The following WDFY3 variants were observed in gnomAD, a reference collection of about 807,000 sequenced individuals.
WDFY3 encodes the protein WD repeat and FYVE domain-containing protein 3.
In WDFY3, 66 loss-of-function variants were observed where a neutral mutation model predicts 409.6. The ratio of observed to expected loss-of-function variants is 0.16; its 90% CI spans 0.13 to 0.20. The LOEUF (loss-of-function observed/expected upper bound fraction) is 0.20, where lower values mean the gene tolerates loss of function less well. Ranked by LOEUF, WDFY3 falls within the 10% of genes least tolerant of loss-of-function variation. The pLI is 1.00. For synonymous variants in WDFY3, 1,521 were observed against 1,537.1 expected (o/e 0.99, Z 0.25); for missense variants, 3,031 against 4,298.1 (o/e 0.71, Z 8.24).
chr4:84,831,691 C>T (rs1755762588), intron 7 of WDFY3, 86 bp from the exon 8 acceptor site: 3 of 1,257,898 alleles, frequency 2.4e-6, no homozygotes, highest in African/African-American at 3.0e-5. Context: ...GCTGAATGGA[C>T]TGCTCTCAAA....
At chr4:84,841,303 T>C (rs778718465) in intron 5 of WDFY3, 40 bp from the exon 6 acceptor site, 6 of 1,560,470 alleles carry the variant, frequency 3.8e-6, no homozygotes, top group African/African-American at 1.4e-5. Flanking sequence ...GGGGGAAAAG[T>C]CACATATAAA....
intron 44 of WDFY3, among the ~76,000 whole-genome samples, chr4:84,729,050 T>C (rs1434231982): frequency 1.3e-5 from 2 of 152,042 alleles, no homozygotes; most frequent in African/African-American, 4.8e-5. Flanking sequence ...CAAGAAACTC[T>C]CCTAGTTAGA....
chr4:84,849,670 T>C (rs910955873), intron 5 of WDFY3: 4 of 368,524 alleles, frequency 1.1e-5, no homozygotes, highest in Non-Finnish European at 1.9e-5. Flanking sequence ...TTTTAAAGGG[T>C]TAGGGTGGAA....
chr4:84,781,518 G>A, intron 25 of WDFY3, among the ~76,000 whole-genome samples: 1 of 151,144 alleles, frequency 6.6e-6, no homozygotes, highest in Non-Finnish European at 1.5e-5. Flanking sequence ...CCAAAGTGCT[G>A]GGATTACATG....
chr4:84,751,240 G>A (rs1220463413), intron 36 of WDFY3: 24 of 535,722 alleles, frequency 4.5e-5, no homozygotes, highest in Non-Finnish European at 7.7e-5. Flanking sequence ...GAAGAAGTTC[G>A]CCAGCTCTTA....
chr4:84,820,954 A>G lies in WDFY3; in HGVS notation c.1591+130T>C. The G allele has an allele frequency of 5.3e-6, 5 of 942,420 alleles. No individual in the cohort carries two copies. In the South Asian group the frequency reaches 9.6e-5, roughly 18 times the overall value. 58.4% of individuals were successfully genotyped at this position (942,420 alleles called of 1,614,324 possible). On this transcript the variant is annotated intron_variant, in intron 11 of 67. Coordinates refer to ENST00000295888, the MANE Select transcript of WDFY3 (RefSeq NM_014991.6). ...CTGTAAATTTTGGAAAATACAGTTC[A>G]CTAATATGTCACAATAATGCACATT...
At position 84,724,416 on chromosome 4, in the gene WDFY3, G is replaced by T; in HGVS notation, c.7441+10C>A. On this transcript the variant is annotated intron_variant, in intron 46 of 67. Coordinates refer to ENST00000295888, the MANE Select transcript of WDFY3 (RefSeq NM_014991.6). ...ATCACTTTTAATCAAAATCAAAAAG[G>T]CAGGCTGACCTTTGACTTTAGCAAT... The T allele has an allele frequency of 1.9e-6, 3 of 1,586,702 alleles. No individual in the cohort carries two copies. Among genetic ancestry groups the T allele is most frequent in the Non-Finnish European group, 1.7e-6 (2 of 1,167,900 alleles).
chr4:84,706,559 A>C (rs1731976211), intron 53 of WDFY3, among the ~76,000 whole-genome samples: 1 of 151,988 alleles, frequency 6.6e-6, no homozygotes, highest in African/African-American at 2.4e-5. Context: ...AAAAAAAAAA[A>C]AAAAACCCAA....
chr4:84,774,734 A>G (rs1745256135), intron 29 of WDFY3, 86 bp downstream of exon 29: 2 of 1,411,650 alleles, frequency 1.4e-6, no homozygotes, highest in African/African-American at 1.4e-5. Context: ...CACAGTCATA[A>G]AAACCAATTA....
chr4:84,782,418 G>A (rs1014352596), intron 25 of WDFY3, among the ~76,000 whole-genome samples: 4 of 151,736 alleles, frequency 2.6e-5, no homozygotes, highest in African/African-American at 7.3e-5. Flanking sequence ...TGCACAGAAC[G>A]TGCAGGTTTG....
intron 5 of WDFY3, among the ~76,000 whole-genome samples, chr4:84,843,414 T>G (rs994936891): frequency 1.3e-5 from 2 of 152,214 alleles, no homozygotes; most frequent in Admixed American, 1.3e-4. Flanking sequence ...TATTTTATTA[T>G]TTTTGAGACA....
intron 1 of WDFY3, among the ~76,000 whole-genome samples, chr4:84,941,073 G>A (rs1485672999): frequency 7.2e-5 from 11 of 151,930 alleles, no homozygotes; most frequent in African/African-American, 2.4e-4. Flanking sequence ...GTTTAATGAA[G>A]AAAGACTGAA....
chr4:84,821,587 A>G (rs1189634349), intron 10 of WDFY3, 36 bp from the exon 11 acceptor site: 3 of 1,540,834 alleles, frequency 1.9e-6, no homozygotes, highest in East Asian at 4.5e-5. Flanking sequence ...AGTAGGTACT[A>G]TGTGATATTT....
chr4:84,709,283 T>G lies in WDFY3; in HGVS notation c.8097+10A>C, dbSNP rs757543716. 1 of 1,606,736 alleles carries G rather than the reference T, an allele frequency of 6.2e-7. No individual in the cohort carries two copies. Among genetic ancestry groups the G allele is most frequent in the Admixed American group, 1.7e-5 (1 of 58,162 alleles). On this transcript the variant is annotated intron_variant, in intron 52 of 67. Transcript: ENST00000295888. Reference sequence around the variant, plus strand: ...ACTTCTAAGGAAGCTCATATATTCATTAAACTTACCTCCCATCTCTGAGTC... The same window carrying G: ...ACTTCTAAGGAAGCTCATATATTCAGTAAACTTACCTCCCATCTCTGAGTC...
In WDFY3 at chr4:84,677,191, T is replaced by C; in HGVS notation, c.10457+8A>G. Reference sequence around the variant, plus strand: ...ATGTAAATTCAAAAAGCAGATATCTTATCTTACTTCTGGCAGAAGAGCTGA... The same window carrying C: ...ATGTAAATTCAAAAAGCAGATATCTCATCTTACTTCTGGCAGAAGAGCTGA... On this transcript the variant is annotated splice_region_variant and intron_variant, in intron 67 of 67. Transcript: ENST00000295888. The C allele has an allele frequency of 6.2e-7, 1 of 1,614,088 alleles. No individual in the cohort carries two copies. The highest frequency in any genetic ancestry group is 1.1e-5 in the South Asian group (1 of 91,060).
chr4:84,731,494 T>C (rs1390516980), intron 44 of WDFY3, among the ~76,000 whole-genome samples: 1 of 152,236 alleles, frequency 6.6e-6, no homozygotes, highest in Non-Finnish European at 1.5e-5. Context: ...CTGTCTCTCC[T>C]TCCTGACTGC....
chr4:84,751,836 A>G (rs1289742748), intron 35 of WDFY3, 120 bp from the exon 36 acceptor site: 4 of 1,015,770 alleles, frequency 3.9e-6, no homozygotes, highest in African/African-American at 3.2e-5. Flanking sequence ...TATTCAGCAC[A>G]TTATTTCACT....
chr4:84,696,957 C>T, intron 56 of WDFY3, 134 bp from the exon 57 acceptor site: 1 of 676,570 alleles, frequency 1.5e-6, no homozygotes, highest in Non-Finnish European at 2.5e-6. Context: ...GAAAGGACTT[C>T]AGAGATTATC....
intron 10 of WDFY3, among the ~76,000 whole-genome samples, chr4:84,824,050 C>A (rs1366061822): frequency 1.3e-5 from 2 of 152,100 alleles, no homozygotes; most frequent in African/African-American, 4.8e-5. Context: ...AAATTGTGGA[C>A]TATCCAAACA....
Sources: allele counts gnomAD v4.1 joint callset (sites outside exome capture counted in the v4.1 genomes callset), GRCh38; gene constraint gnomAD v4.1.1; transcripts MANE v1.5; gene names NCBI Gene and HGNC (gene_info 2026-07-23, HGNC 2026-07-21).